Variants in ANTXR1 observed in about 807,000 individuals in gnomAD.
ANTXR1 encodes anthrax toxin receptor 1.
A neutral mutation model predicts 78.1 loss-of-function variants in ANTXR1; 19 were observed. The ratio of observed to expected loss-of-function variants is 0.24; its 90% CI spans 0.17 to 0.36. The LOEUF (loss-of-function observed/expected upper bound fraction) is 0.36. ANTXR1 is among the 10% of genes least tolerant of loss of function. The pLI is 1.00. For synonymous variants in ANTXR1, 273 were observed against 260.5 expected (o/e 1.05, Z -0.46); for missense variants, 518 against 718.6 (o/e 0.72, Z 3.19).
Position 69,078,784 on chromosome 2 carries a change from C to T in ANTXR1, c.642+1296C>T, listed in dbSNP as rs145725795. On this transcript the variant is annotated intron_variant, in intron 8 of 17. Transcript: ENST00000303714. ...GGCATATGAATTATTGCCTCTTCCA[C>T]TTCTCTTCCCTATCATATGACGGAT... Among the ~76,000 whole-genome samples the T allele has an allele frequency of 2.9e-3, 448 of 152,324 alleles. 9 individuals are homozygous for T. The highest frequency in any genetic ancestry group is 7.3e-3 in the East Asian group (38 of 5,182).
At chr2:69,240,802 T>G (rs1025888336) in intron 17 of ANTXR1, among the ~76,000 whole-genome samples, 1 of 143,880 alleles carries the variant, frequency 7.0e-6, no homozygotes, top group African/African-American at 2.7e-5. Context: ...TAAATAGGTG[T>G]GAGACTTTAG....
chr2:69,083,421 A>T (rs1376589863), intron 8 of ANTXR1, among the ~76,000 whole-genome samples: 1 of 152,090 alleles, frequency 6.6e-6, no homozygotes, highest in Non-Finnish European at 1.5e-5. Context: ...GGCACCCTTC[A>T]GTCTTCCCAT....
At chr2:69,145,334 C>A (rs1443823376) in intron 12 of ANTXR1, 1 of 1,596,642 alleles carries the variant, frequency 6.3e-7, no homozygotes, top group South Asian at 1.1e-5. Flanking sequence ...AGAGCCTCCA[C>A]AAAATTGCAT....
intron 13 of ANTXR1, among the ~76,000 whole-genome samples, chr2:69,153,080 C>T (rs1673439046): frequency 6.6e-6 from 1 of 152,156 alleles, no homozygotes; most frequent in Non-Finnish European, 1.5e-5. Flanking sequence ...TGCCTTTCAA[C>T]AAATCAGTGT....
intron 13 of ANTXR1, among the ~76,000 whole-genome samples, chr2:69,162,383 T>C (rs1289779411): frequency 1.3e-5 from 2 of 152,208 alleles, no homozygotes; most frequent in African/African-American, 4.8e-5. Context: ...TGTATGTTTG[T>C]GTCCCTAAGA....
At chr2:69,076,683 G>A (rs539998077) in intron 7 of ANTXR1, among the ~76,000 whole-genome samples, 16 of 152,308 alleles carry the variant, frequency 1.1e-4, no homozygotes, top group South Asian at 4.1e-4. Context: ...TATGAGTAAC[G>A]TTTGTTTTCT....
chr2:69,131,677 T>G (rs1329287769), intron 12 of ANTXR1, among the ~76,000 whole-genome samples: 1 of 152,040 alleles, frequency 6.6e-6, no homozygotes, highest in Non-Finnish European at 1.5e-5. Flanking sequence ...GTTGAGTGAA[T>G]AAATGAATGA....
chr2:69,035,284 G>C (rs1018260183), intron 1 of ANTXR1, among the ~76,000 whole-genome samples: 7 of 152,082 alleles, frequency 4.6e-5, no homozygotes, highest in Admixed American at 4.6e-4. Flanking sequence ...CTGCCACTGG[G>C]GCTTTGGGTT....
chr2:69,050,174 T>G (rs927749093), intron 3 of ANTXR1, among the ~76,000 whole-genome samples: 6 of 152,002 alleles, frequency 3.9e-5, no homozygotes, highest in Admixed American at 3.3e-4. Context: ...GTCACACCCC[T>G]GTGGTCCCAG....
chr2:69,092,886 T>A (rs1044866414), intron 9 of ANTXR1, among the ~76,000 whole-genome samples: 1 of 152,214 alleles, frequency 6.6e-6, no homozygotes, highest in African/African-American at 2.4e-5. Flanking sequence ...GTGAATTGTT[T>A]TATAAACACA....
chr2:69,209,429 G>A (rs1050369353), intron 17 of ANTXR1, among the ~76,000 whole-genome samples: 5 of 152,216 alleles, frequency 3.3e-5, no homozygotes, highest in Admixed American at 2.6e-4. Context: ...CTGATAAACA[G>A]AGGAACTAGC....
At chr2:69,146,481 T>C in intron 12 of ANTXR1, 1 of 756,856 alleles carries the variant, frequency 1.3e-6, no homozygotes, top group Non-Finnish European at 1.6e-6. Flanking sequence ...TCTCCCCCTC[T>C]GGAATCTTTT....
chr2:69,184,179 G>A (rs2104465726), intron 16 of ANTXR1, among the ~76,000 whole-genome samples: 1 of 152,304 alleles, frequency 6.6e-6, no homozygotes, highest in East Asian at 1.9e-4. Flanking sequence ...CAAATCAAAA[G>A]AAGTACCATT....
At chr2:69,046,402 CTGAATCTACTG>C (rs1431463925) in intron 3 of ANTXR1, among the ~76,000 whole-genome samples, 1 of 152,302 alleles carries the variant, frequency 6.6e-6, no homozygotes, top group African/African-American at 2.4e-5. Flanking sequence ...TAGTCATCCT[CTGAATCTACTG>C]GGAATCTAAT....
intron 17 of ANTXR1, among the ~76,000 whole-genome samples, chr2:69,209,092 T>C (rs550278078): frequency 6.6e-6 from 1 of 152,256 alleles, no homozygotes; most frequent in South Asian, 2.1e-4. Context: ...GCATTCAAGG[T>C]CTCTCTACTG....
In ANTXR1 at chr2:69,246,219, A is replaced by C. The variant is rs1364589784; in HGVS notation, c.*734A>C. 6.6e-6 allele frequency: 1 copy of C among 152,352 alleles called. No homozygotes were observed. Among genetic ancestry groups the C allele is most frequent in the Non-Finnish European group, 1.5e-5 (1 of 68,048 alleles). 9.4% of individuals were successfully genotyped at this position (152,352 alleles called of 1,614,324 possible). ...ACAGGGGCGTATTCATGGGAGCATC[A>C]GCCAGTTTCTAAAACCCACAGGCCA... On this transcript the variant is annotated 3_prime_UTR_variant, in exon 18 of 18. Transcript: ENST00000303714.
rs117514006 is a variant in ANTXR1, at chr2:69,148,351, T to C, written c.952-3818T>C. Among the ~76,000 whole-genome samples the C allele has an allele frequency of 5.1e-3, 777 of 152,314 alleles. 27 individuals are homozygous for C. In the East Asian group the frequency reaches 0.084, roughly 17 times the overall value. ...GGGAATGCTGACACCTCCTTGGCCC[T>C]GCTCTGCAGAGTGTCACCTCCTCGG... On this transcript the variant is annotated intron_variant, in intron 12 of 17. Coordinates refer to ENST00000303714, the MANE Select transcript of ANTXR1 (RefSeq NM_032208.3).
At chr2:69,108,496 A>C (rs116045223) in intron 10 of ANTXR1, among the ~76,000 whole-genome samples, 2,938 of 152,338 alleles carry the variant, frequency 0.019, 88 homozygotes, top group African/African-American at 0.066. Context: ...GTTCAGCGGG[A>C]CAAGTGCAGG....
chr2:69,041,306 C>CT (rs1669609619), intron 2 of ANTXR1, among the ~76,000 whole-genome samples: 1 of 152,228 alleles, frequency 6.6e-6, no homozygotes, highest in Non-Finnish European at 1.5e-5. Flanking sequence ...TGAAAACTCA[C>CT]TGCCTTTGAG....
Sources: allele counts gnomAD v4.1 joint callset (sites outside exome capture counted in the v4.1 genomes callset), GRCh38; gene constraint gnomAD v4.1.1; transcripts MANE v1.5; gene names NCBI Gene and HGNC (gene_info 2026-07-23, HGNC 2026-07-21).